Variants in HELZ2 observed in about 807,000 individuals in gnomAD.
HELZ2 encodes helicase with zinc finger 2.
In HELZ2, 143 loss-of-function variants were observed where a neutral mutation model predicts 208.8. The observed-to-expected ratio is 0.68, with a 90% CI of 0.60 to 0.79. The LOEUF is 0.79. Among genes scored for constraint, HELZ2 ranks in the 30% least tolerant of loss-of-function variants. The probability of loss-of-function intolerance (pLI) is 0.00; values close to 1 mark genes in which losing one functional copy is unlikely to be tolerated. For synonymous variants in HELZ2, 1,705 were observed against 1,693.7 expected, an observed-to-expected ratio of 1.01 and a Z score of -0.16; for missense variants, 3,690 against 3,794.5, an observed-to-expected ratio of 0.97 and a Z score of 0.72.
exon 8 of HELZ2, chr20:63,564,312 C>A: frequency 1.2e-6 from 2 of 1,600,288 alleles, no homozygotes; most frequent in East Asian, 2.2e-5. Flanking sequence ...TAGAAGCAGT[C>A]GGACCGCAGG....
chr20:63,572,338 G>T, exon 1 of HELZ2: 1 of 1,577,076 alleles, frequency 6.3e-7, no homozygotes, highest in Non-Finnish European at 8.6e-7. Context: ...GTGTGAGCAG[G>T]TCCCCCCGCT....
chr20:63,569,185 A>G, exon 4 of HELZ2: 4 of 1,550,158 alleles, frequency 2.6e-6, no homozygotes, highest in Non-Finnish European at 3.5e-6. Flanking sequence ...TCCTCCTCAT[A>G]GAGAAACTGG....
chr20:63,559,931 T>C lies in HELZ2; in HGVS notation c.7822A>G (p.Ile2608Val), dbSNP rs199594572. ...AAGAGCCCAGCCCCGCCCTCACCGATCAGGCAGAGCCCCTCCTGGGCCCGC... is the reference window on the plus strand; with the variant it reads ...AAGAGCCCAGCCCCGCCCTCACCGACCAGGCAGAGCCCCTCCTGGGCCCGC... The change falls in exon 18 of 19, where the codon ATC (isoleucine) becomes GTC (valine). Residue 2608 changes from isoleucine (I) to valine (V), a missense_variant. By Grantham distance (29) the Ile-to-Val change is conservative. Coordinates refer to ENST00000467148, the Ensembl canonical transcript of HELZ2. 3.7e-6 allele frequency: 6 copies of C among 1,609,440 alleles called. No individual in the cohort carries two copies. The East Asian group carries it at 8.9e-5, about 24-fold the overall frequency.
rs1422661084 is a variant in HELZ2, at chr20:63,568,593, G to A, written c.1495C>T (p.Pro499Ser). 2 of 1,594,954 alleles carry A rather than the reference G, an allele frequency of 1.3e-6. No individual in the cohort carries two copies. Among genetic ancestry groups the A allele is most frequent in the Admixed American group, 1.8e-5 (1 of 57,142 alleles). The change falls in exon 5 of 19, where the codon CCC (proline) becomes TCC (serine). Residue 499 changes from proline (P) to serine (S), a missense_variant. Physicochemically the swap from Pro to Ser is moderately conservative, Grantham distance 74. Coordinates refer to ENST00000467148, the Ensembl canonical transcript of HELZ2. The stretch of plus-strand genomic sequence containing the variant: ...CAAGGTCTGGGCAGGGCGCAGGTGG[G>A]CAAGTCGGGCACCACCAGCTGCTCC...
At chr20:63,569,602 G>T in exon 4 of HELZ2, 1 of 1,561,850 alleles carries the variant, frequency 6.4e-7, no homozygotes, top group Admixed American at 1.9e-5. Flanking sequence ...GGGAGGCCGG[G>T]AGCCACCAGA....
chr20:63,560,144 G>A (rs763098937), intron 17 of HELZ2, 27 bp downstream of exon 18: 5 of 1,517,174 alleles, frequency 3.3e-6, no homozygotes, highest in Middle Eastern at 1.9e-4. Context: ...CACCCTCCCG[G>A]CCCCACCCAC....
exon 17 of HELZ2, chr20:63,560,263 G>A (rs561821964): frequency 2.3e-5 from 36 of 1,563,930 alleles, no homozygotes; most frequent in East Asian, 4.7e-5. Context: ...GTTGTAGGGC[G>A]TGAGGACGGC....
At chr20:63,560,253 G>C in exon 17 of HELZ2, 1 of 1,561,560 alleles carries the variant, frequency 6.4e-7, no homozygotes, top group Non-Finnish European at 8.6e-7. Context: ...AGGCCTGCGC[G>C]TTGTAGGGCG....
At chr20:63,560,303 G>C in exon 17 of HELZ2, 12 of 1,556,088 alleles carry the variant, frequency 7.7e-6, no homozygotes, top group Non-Finnish European at 1.0e-5. Flanking sequence ...GTCCTCCCCA[G>C]GGTCAGCTGC....
At chr20:63,563,907 G>A (rs756672233) in exon 8 of HELZ2, 24 of 1,595,710 alleles carry the variant, frequency 1.5e-5, no homozygotes, top group African/African-American at 2.7e-5. Flanking sequence ...AGGGCCTTGC[G>A]GAGGTCGCGG....
exon 1 of HELZ2, chr20:63,572,401 T>G: frequency 2.0e-6 from 3 of 1,490,870 alleles, no homozygotes; most frequent in Non-Finnish European, 2.7e-6. Context: ...CGGCGCTGTG[T>G]GCAAACTGGC....
Position 63,570,884 on chromosome 20 carries a change from G to T in HELZ2, c.279-16C>A, listed in dbSNP as rs751900666. On this transcript the variant is annotated splice_polypyrimidine_tract_variant and intron_variant, in intron 1 of 18. Transcript: ENST00000467148. ...GAGGTCAGGCCTGGGGGACAGGGAGGTCAGCAGGGCTACACAGAGGCACAG... is the reference window on the plus strand; with the variant it reads ...GAGGTCAGGCCTGGGGGACAGGGAGTTCAGCAGGGCTACACAGAGGCACAG... 6.4e-7 allele frequency: 1 copy of T among 1,571,774 alleles called. No individual in the cohort carries two copies. Among genetic ancestry groups the T allele is most frequent in the South Asian group, 1.1e-5 (1 of 87,052 alleles).
chr20:63,558,149 T>C (rs1028227261), downstream of HELZ2: 3 of 152,506 alleles, frequency 2.0e-5, no homozygotes, highest in African/African-American at 7.2e-5. Flanking sequence ...TTCAAAGATA[T>C]AAAAATTGGA....
At position 63,562,669 on chromosome 20, in the gene HELZ2, C is replaced by T; in HGVS notation, c.6153G>A (p.Trp2051Ter). ...GCCGGTCTGCCCGGCGCTCCTGGTC[C>T]CAGTCCTGCGTCTGCCCGTGGGCCA... Residue 2051 changes from tryptophan to a stop codon, truncating the protein, a stop_gained, in exon 8 of 19, where the codon TGG (tryptophan) becomes TGA (stop). Coordinates refer to ENST00000467148, the Ensembl canonical transcript of HELZ2. LOFTEE classifies it high-confidence loss of function. 1 of 1,598,194 alleles carries T rather than the reference C, an allele frequency of 6.3e-7. No homozygotes were observed. Among genetic ancestry groups the T allele is most frequent in the Non-Finnish European group, 8.5e-7 (1 of 1,173,352 alleles).
chr20:63,574,077 C>CG (rs1307907494), upstream of HELZ2: 2 of 146,134 alleles, frequency 1.4e-5, no homozygotes, highest in Non-Finnish European at 3.0e-5. Context: ...CCGGACCCCC[C>CG]CCTCCGCCCC....
At chr20:63,562,691 G>T in exon 8 of HELZ2, 1 of 1,599,616 alleles carries the variant, frequency 6.3e-7, no homozygotes, top group Admixed American at 1.7e-5. Flanking sequence ...CTGCCCGTGG[G>T]CCACCCAGGT....
exon 8 of HELZ2, chr20:63,564,426 T>C (rs1263316826): frequency 1.9e-6 from 3 of 1,550,624 alleles, no homozygotes; most frequent in Non-Finnish European, 2.6e-6. Flanking sequence ...GGGTGCTGCC[T>C]GATCACCTCC....
chr20:63,570,773 C>G (rs149272614), exon 2 of HELZ2: 2 of 1,610,684 alleles, frequency 1.2e-6, no homozygotes, highest in Admixed American at 1.7e-5. Flanking sequence ...CGCCTGCCCC[C>G]GCAGCTCCAC....
chr20:63,563,428 A>C (rs1319536959), exon 8 of HELZ2: 1 of 1,531,480 alleles, frequency 6.5e-7, no homozygotes, highest in East Asian at 2.5e-5. Flanking sequence ...CTGAGTAGAC[A>C]CGGCGCCGCC....
Sources: allele counts gnomAD v4.1 joint callset, GRCh38; gene constraint gnomAD v4.1.1; transcripts MANE v1.5; gene names NCBI Gene and HGNC (gene_info 2026-07-23, HGNC 2026-07-21).